The following NEDD4 variants were observed in gnomAD, a reference collection of about 807,000 sequenced individuals.
The protein encoded by NEDD4 is E3 ubiquitin-protein ligase NEDD4.
In NEDD4, 99 loss-of-function variants were observed where a neutral mutation model predicts 144.9. That is an observed-to-expected ratio of 0.68 (90% CI 0.58 to 0.81). The LOEUF is 0.81. Among genes scored for constraint, NEDD4 ranks in the 30% least tolerant of loss-of-function variants. The pLI, the probability that NEDD4 is intolerant of heterozygous loss-of-function variation, is 0.00. For synonymous variants in NEDD4, 318 were observed against 350.6 expected, an observed-to-expected ratio of 0.91 and a Z score of 1.04; for missense variants, 985 against 1,065.9, an observed-to-expected ratio of 0.92 and a Z score of 1.06.
At chr15:55,945,170 G>C (rs908829822) in intron 4 of NEDD4, among the ~76,000 whole-genome samples, 8 of 152,154 alleles carry the variant, frequency 5.3e-5, no homozygotes, top group Non-Finnish European at 1.0e-4. Flanking sequence ...ACTTTGATGA[G>C]TTGACAGAAG....
At chr15:55,897,817 T>TA (rs747678021) in intron 5 of NEDD4, among the ~76,000 whole-genome samples, 1 of 152,166 alleles carries the variant, frequency 6.6e-6, no homozygotes, top group Non-Finnish European at 1.5e-5. Context: ...TTGTCTTCCT[T>TA]ACGAAGGGGT....
intron 24 of NEDD4, among the ~76,000 whole-genome samples, chr15:55,835,968 G>C (rs2033172562): frequency 6.6e-6 from 1 of 151,916 alleles, no homozygotes; most frequent in African/African-American, 2.4e-5. Flanking sequence ...CACAGGCCCT[G>C]TATAAGCTGG....
intron 5 of NEDD4, among the ~76,000 whole-genome samples, chr15:55,913,044 A>G (rs1182051575): frequency 6.6e-6 from 1 of 152,126 alleles, no homozygotes; most frequent in Admixed American, 6.5e-5. Flanking sequence ...TAGAAACTCA[A>G]TTTTATACTG....
intron 5 of NEDD4, among the ~76,000 whole-genome samples, chr15:55,891,075 T>G (rs746852384): frequency 1.2e-4 from 19 of 152,196 alleles, no homozygotes; most frequent in Non-Finnish European, 2.4e-4. Flanking sequence ...TGTTGTTCAT[T>G]GGTTGTCTTT....
intron 5 of NEDD4, among the ~76,000 whole-genome samples, chr15:55,918,912 T>C (rs1199110291): frequency 6.6e-6 from 1 of 152,166 alleles, no homozygotes; most frequent in East Asian, 1.9e-4. Flanking sequence ...GGATTAAGTG[T>C]GGGGTCTAAT....
At chr15:55,986,521 T>C (rs1386733411) in intron 1 of NEDD4, among the ~76,000 whole-genome samples, 2 of 143,516 alleles carry the variant, frequency 1.4e-5, no homozygotes, top group East Asian at 4.3e-4. Context: ...CAAGAAACAC[T>C]AAACAGACCC....
intron 1 of NEDD4, among the ~76,000 whole-genome samples, chr15:55,970,644 C>T (rs1012413889): frequency 8.5e-5 from 13 of 152,184 alleles, no homozygotes; most frequent in African/African-American, 3.1e-4. Context: ...GCCTGGTAAT[C>T]CAGGGAATTC....
intron 26 of NEDD4, among the ~76,000 whole-genome samples, chr15:55,833,748 T>A (rs957341250): frequency 1.3e-5 from 2 of 152,218 alleles, no homozygotes; most frequent in African/African-American, 4.8e-5. Context: ...TCCCTAGGAA[T>A]ACCCTGCAGG....
chr15:55,921,938 T>C lies in NEDD4; in HGVS notation c.291+2708A>G, dbSNP rs552256203. On this transcript the variant is annotated intron_variant, in intron 5 of 28. Coordinates refer to ENST00000435532, the MANE Select transcript of NEDD4 (RefSeq NM_006154.4). ...TGGTGGAAAGCACAAATGTGAGCTGTCCCTCCTTGTGGACAACATGCAAAT... is the reference window on the plus strand; with the variant it reads ...TGGTGGAAAGCACAAATGTGAGCTGCCCCTCCTTGTGGACAACATGCAAAT... Among the ~76,000 whole-genome samples, 13 of 152,310 alleles carry C rather than the reference T, an allele frequency of 8.5e-5. No homozygotes were observed. The South Asian group carries it at 2.7e-3, about 32-fold the overall frequency.
intron 2 of NEDD4, among the ~76,000 whole-genome samples, chr15:55,958,515 G>C (rs1288897588): frequency 9.2e-5 from 14 of 152,130 alleles, no homozygotes; most frequent in Admixed American, 2.6e-4. Context: ...AAATGAGTTG[G>C]GAAATGCCCT....
intron 1 of NEDD4, among the ~76,000 whole-genome samples, chr15:55,974,893 T>TTC (rs2037674414): frequency 1.4e-5 from 1 of 73,120 alleles, no homozygotes; most frequent in African/African-American, 6.7e-5. Flanking sequence ...TTTCCTTTCT[T>TTC]TTTTTTTTTT....
intron 5 of NEDD4, among the ~76,000 whole-genome samples, chr15:55,889,833 T>C (rs2035510479): frequency 6.6e-6 from 1 of 152,098 alleles, no homozygotes; most frequent in African/African-American, 2.4e-5. Context: ...CTTGAGTAGC[T>C]AGAATTACAG....
At chr15:55,844,428 A>C (rs1435019225) in intron 18 of NEDD4, among the ~76,000 whole-genome samples, 1 of 152,108 alleles carries the variant, frequency 6.6e-6, no homozygotes, top group South Asian at 2.1e-4. Flanking sequence ...GTGAGAGAAG[A>C]CAGAGGGACC....
At chr15:55,830,056 C>T (rs780117307) in intron 28 of NEDD4, 57 bp from the exon 29 acceptor site, 9 of 1,195,456 alleles carry the variant, frequency 7.5e-6, no homozygotes, top group Middle Eastern at 1.9e-4. Flanking sequence ...AGTACCACCA[C>T]AGCAAACAGA....
intron 4 of NEDD4, among the ~76,000 whole-genome samples, chr15:55,949,521 A>G (rs1200339337): frequency 1.3e-5 from 2 of 152,222 alleles, no homozygotes; most frequent in African/African-American, 4.8e-5. Context: ...TTGCAGCACT[A>G]TTCACAATAG....
At position 55,832,299 on chromosome 15, in the gene NEDD4, G is replaced by A. The variant is rs62046608; in HGVS notation, c.2527+709C>T. On this transcript the variant is annotated intron_variant, in intron 27 of 28. Transcript: ENST00000435532. ...GAAGAAATCCATTTAACTTTGTTTA[G>A]TCCAGCATTTCCTTAAAGGTATTCA... Among the ~76,000 whole-genome samples the A allele has an allele frequency of 3.2e-3, 487 of 152,070 alleles. 6 individuals carry two copies. The highest frequency in any genetic ancestry group is 0.015 in the South Asian group (70 of 4,820).
intron 4 of NEDD4, chr15:55,934,561 T>G (rs920553072): frequency 6.6e-6 from 1 of 152,132 alleles, no homozygotes. Flanking sequence ...ATGTTTTATG[T>G]CTTTCCACTT....
chr15:55,967,031 C>T (rs565550082), intron 1 of NEDD4, among the ~76,000 whole-genome samples: 4 of 152,028 alleles, frequency 2.6e-5, no homozygotes, highest in Non-Finnish European at 5.9e-5. Flanking sequence ...AGATTACAGG[C>T]ATGCGCCACC....
chr15:55,887,481 T>A (rs1471682098), intron 5 of NEDD4, among the ~76,000 whole-genome samples: 3 of 152,168 alleles, frequency 2.0e-5, no homozygotes, highest in Non-Finnish European at 2.9e-5. Context: ...GTAATGAGAT[T>A]GAAGCTGTAA....
Sources: gnomAD v4.1 joint callset for allele counts (sites outside exome capture counted in the v4.1 genomes callset) on GRCh38, gnomAD v4.1.1 for gene constraint, MANE v1.5 for transcripts, NCBI Gene and HGNC (gene_info 2026-07-23, HGNC 2026-07-21) for gene names.